The following ARHGAP11A variants were observed in gnomAD, a reference collection of about 807,000 sequenced individuals.
The protein encoded by ARHGAP11A is rho GTPase-activating protein 11A.
Under a neutral mutation model 60.5 loss-of-function variants are expected in ARHGAP11A, and 36 were observed. That is an observed-to-expected ratio of 0.59 (90% CI 0.46 to 0.79). ARHGAP11A has a LOEUF of 0.79. Ranked by LOEUF, ARHGAP11A falls within the 30% of genes least tolerant of loss-of-function variation. The pLI is 0.00. For missense variants in ARHGAP11A, 1,071 were observed against 1,199.2 expected (o/e 0.89, Z 1.58); for synonymous variants, 362 against 415.5 (o/e 0.87, Z 1.57).
chr15:32,636,174 G>T, intron 11 of ARHGAP11A, 83 bp from the exon 12 acceptor site: 1 of 1,473,642 alleles, frequency 6.8e-7, no homozygotes, highest in Non-Finnish European at 9.0e-7. Flanking sequence ...TAAATGCTTA[G>T]TGACTTATTT....
Position 32,637,845 on chromosome 15 carries a change from A to G in ARHGAP11A, c.3072A>G (p.Ter1024=). 6.3e-7 allele frequency: 1 copy of G among 1,584,602 alleles called. No homozygotes were observed. The highest frequency in any genetic ancestry group is 8.6e-7 in the Non-Finnish European group (1 of 1,167,906). Reference sequence around the variant, plus strand: ...CAACAAGTAAACCTGTAGATTTGTAATTGGTAAATGTTATACTTGTCATTA... The same window carrying G: ...CAACAAGTAAACCTGTAGATTTGTAGTTGGTAAATGTTATACTTGTCATTA... ...LLPTSKPVDL[*] The change falls in exon 12 of 12, where the codon TAA becomes TAG. Residue 1024 remains the stop codon, a stop_retained_variant. Transcript: ENST00000361627.
rs752311090 is a variant in ARHGAP11A, at chr15:32,636,927, C to T, written c.2154C>T (p.Ser718=). 1 of 1,611,904 alleles carries T rather than the reference C, an allele frequency of 6.2e-7. No homozygotes were observed. The highest frequency in any genetic ancestry group is 1.1e-5 in the South Asian group (1 of 90,468). ...PKDYLSKQEF[S]SDEEIKKQQS... is the part of the protein sequence containing the mutation. ...ATTATTTAAGCAAGCAAGAATTCTC[C>T]AGTGATGAAGAAATAAAGAAACAGC... Residue 718 remains serine, a synonymous_variant, in exon 12 of 12, where the codon TCC becomes TCT. Transcript: ENST00000361627.
intron 2 of ARHGAP11A, among the ~76,000 whole-genome samples, chr15:32,621,136 C>T (rs1483149389): frequency 2.5e-4 from 13 of 51,708 alleles, no homozygotes; most frequent in East Asian, 4.7e-4. Flanking sequence ...GAAAATGTAT[C>T]ACTTAGCTTT....
At chr15:32,635,331 ACT>A (rs1225200914) in intron 10 of ARHGAP11A, among the ~76,000 whole-genome samples, 12 of 151,484 alleles carry the variant, frequency 7.9e-5, no homozygotes, top group African/African-American at 2.9e-4. Context: ...TATCCTTTTT[ACT>A]CTGTTTTACT....
rs763473968 is a variant in ARHGAP11A, at chr15:32,620,158, A to G, written c.180A>G (p.Pro60=). 23 of 1,611,710 alleles carry G rather than the reference A, an allele frequency of 1.4e-5. No homozygotes were observed. Among genetic ancestry groups the G allele is most frequent in the Non-Finnish European group, 1.9e-5 (22 of 1,179,046 alleles). ...PFNALPHSAV[P]EYGHIPSFLV... is the part of the protein sequence containing the mutation. Reference sequence around the variant, plus strand: ...ATGCACTGCCCCATTCTGCTGTACCAGAATATGGACACATTCCAAGGTAAG... The same window carrying G: ...ATGCACTGCCCCATTCTGCTGTACCGGAATATGGACACATTCCAAGGTAAG... Residue 60 remains proline (P), a synonymous_variant, in exon 2 of 12, where the codon CCA becomes CCG. Coordinates refer to ENST00000361627, the MANE Select transcript of ARHGAP11A (RefSeq NM_014783.6).
intron 8 of ARHGAP11A, 35 bp downstream of exon 8, chr15:32,629,797 G>C (rs774407897): frequency 5.3e-6 from 8 of 1,512,454 alleles, no homozygotes; most frequent in African/African-American, 1.4e-5. Context: ...GGATTGTAAA[G>C]ATTAAAATGA....
chr15:32,621,563 C>G (rs1357056372), intron 2 of ARHGAP11A, among the ~76,000 whole-genome samples: 1 of 152,304 alleles, frequency 6.6e-6, no homozygotes, highest in Non-Finnish European at 1.5e-5. Context: ...CCGGGGCTCA[C>G]GCCTGTAATC....
chr15:32,623,406 C>G (rs546390433), intron 2 of ARHGAP11A, 86 bp from the exon 3 acceptor site: 4 of 1,273,324 alleles, frequency 3.1e-6, no homozygotes, highest in Non-Finnish European at 2.2e-6. Context: ...CTGAAAGGTA[C>G]GTAGTGCTTG....
At chr15:32,634,084 G>A (rs375104083) in intron 10 of ARHGAP11A, 43 bp downstream of exon 10, 12 of 1,347,396 alleles carry the variant, frequency 8.9e-6, no homozygotes, top group South Asian at 2.7e-5. Flanking sequence ...TTAGCATAAC[G>A]CTATAAACTT....
chr15:32,624,659 G>C (rs2053416475), intron 4 of ARHGAP11A, among the ~76,000 whole-genome samples: 1 of 152,122 alleles, frequency 6.6e-6, no homozygotes, highest in Admixed American at 6.5e-5. Flanking sequence ...GTGTTTATAA[G>C]ATTCATTGTC....
rs757136181 is a variant in ARHGAP11A at position 32,637,691 on chromosome 15, C to A, written c.2918C>A (p.Pro973Gln). Residue 973 changes from proline (P) to glutamine (Q), a missense_variant, in exon 12 of 12, where the codon CCA (proline) becomes CAA (glutamine). Coordinates refer to ENST00000361627, the MANE Select transcript of ARHGAP11A (RefSeq NM_014783.6). ...CTGACTAATCATGATATAGTAAAAC[C>A]AGTTGTAAATAACAACATGGGCATT... ...DDLTNHDIVK[P>Q]VVNNNMGISS... 81 of 1,614,122 alleles carry A rather than the reference C, an allele frequency of 5.0e-5. No individual in the cohort carries two copies. The highest frequency in any genetic ancestry group is 6.8e-5 in the Non-Finnish European group (80 of 1,180,016).
At chr15:32,618,392 T>A (rs2053212341) in intron 1 of ARHGAP11A, among the ~76,000 whole-genome samples, 1 of 152,216 alleles carries the variant, frequency 6.6e-6, no homozygotes, top group South Asian at 2.1e-4. Context: ...AAAATTCTGA[T>A]TTACCCAATA....
Position 32,634,037 on chromosome 15 carries a change from A to T in ARHGAP11A, c.1340A>T (p.Glu447Val). The change falls in exon 10 of 12, where the codon GAA (glutamate) becomes GTA (valine). Residue 447 changes from glutamate (E) to valine (V), a missense_variant. Transcript: ENST00000361627. The stretch of plus-strand genomic sequence containing the variant: ...TTCAATCTAGGGAAAAATGGCAGAG[A>T]AGTAGTAAGTTTCTTACCATTTTAT... ...LKFNLGKNGR[E>V]VNGCSGVNRY... is the part of the protein sequence containing the mutation. 6.3e-7 allele frequency: 1 copy of T among 1,595,124 alleles called. No homozygotes were observed.
At chr15:32,627,665 G>C (rs985691840) in intron 6 of ARHGAP11A, among the ~76,000 whole-genome samples, 1 of 152,102 alleles carries the variant, frequency 6.6e-6, no homozygotes. Context: ...GGAGGCGGAG[G>C]TTGTAGTTGG....
At chr15:32,629,012 T>C (rs539629852) in intron 7 of ARHGAP11A, among the ~76,000 whole-genome samples, 4 of 152,132 alleles carry the variant, frequency 2.6e-5, no homozygotes, top group Non-Finnish European at 5.9e-5. Flanking sequence ...AGGCAAAAAT[T>C]TTTTTAGTCT....
Position 32,620,136 on chromosome 15 carries a change from C to T in ARHGAP11A, c.158C>T (p.Ala53Val), listed in dbSNP as rs770258986. 8 of 1,611,684 alleles carry T rather than the reference C, an allele frequency of 5.0e-6. No individual in the cohort carries two copies. In the Admixed American group the frequency reaches 1.2e-4, roughly 24 times the overall value. Residue 53 changes from alanine (A) to valine (V), a missense_variant, in exon 2 of 12, where the codon GCA becomes GTA. Coordinates refer to ENST00000361627, the MANE Select transcript of ARHGAP11A (RefSeq NM_014783.6). The stretch of plus-strand genomic sequence containing the variant: ...AAAATATTTGGAGTACCTTTTAATG[C>T]ACTGCCCCATTCTGCTGTACCAGAA... ...GGKIFGVPFN[A>V]LPHSAVPEYG...
chr15:32,622,644 T>A (rs1340237940), intron 2 of ARHGAP11A, among the ~76,000 whole-genome samples: 1 of 151,904 alleles, frequency 6.6e-6, no homozygotes, highest in Non-Finnish European at 1.5e-5. Flanking sequence ...AATTTGTGGG[T>A]CCCAGCTGTT....
intron 2 of ARHGAP11A, among the ~76,000 whole-genome samples, chr15:32,622,326 G>A (rs1416003124): frequency 1.3e-5 from 2 of 152,286 alleles, no homozygotes; most frequent in African/African-American, 2.4e-5. Context: ...GCTGAGGTGG[G>A]AGGATCACTT....
intron 9 of ARHGAP11A, 21 bp from the exon 10 acceptor site, chr15:32,633,912 T>C: frequency 1.3e-6 from 2 of 1,519,516 alleles, no homozygotes; most frequent in Non-Finnish European, 1.8e-6. Flanking sequence ...AAACTGACAT[T>C]TTTAATTCCA....
Sources: gnomAD v4.1 joint callset for allele counts (sites outside exome capture counted in the v4.1 genomes callset) on GRCh38, gnomAD v4.1.1 for gene constraint, MANE v1.5 for transcripts, NCBI Gene and HGNC (gene_info 2026-07-23, HGNC 2026-07-21) for gene names.